Variants in PPARGC1A observed in about 807,000 individuals in gnomAD.
The protein encoded by PPARGC1A is peroxisome proliferator-activated receptor gamma coactivator 1-alpha.
In PPARGC1A, 25 loss-of-function variants were observed where a neutral mutation model predicts 88.7. The ratio of observed to expected loss-of-function variants is 0.28; its 90% CI spans 0.21 to 0.39. PPARGC1A has a LOEUF of 0.39. Ranked by LOEUF, PPARGC1A falls within the 10% of genes least tolerant of loss-of-function variation. The pLI is 1.00. For synonymous variants in PPARGC1A, 363 were observed against 355.6 expected (o/e 1.02, Z -0.24); for missense variants, 880 against 968.7 (o/e 0.91, Z 1.22).
At chr4:24,075,322 G>T in the PPARGC1A span, among the ~76,000 whole-genome samples, 1 of 152,124 alleles carries the variant, frequency 6.6e-6, no homozygotes, top group Non-Finnish European at 1.5e-5. Context: ...TCTCAATAAA[G>T]GTAAGAGATC....
chr4:24,188,117 A>G, the PPARGC1A span, among the ~76,000 whole-genome samples: 1 of 152,214 alleles, frequency 6.6e-6, no homozygotes, highest in Non-Finnish European at 1.5e-5. Flanking sequence ...CAATGGCATA[A>G]TATAATTCCA....
the PPARGC1A span, among the ~76,000 whole-genome samples, chr4:23,925,847 AG>A: frequency 5.3e-5 from 8 of 152,294 alleles, no homozygotes; most frequent in African/African-American, 1.2e-4. Flanking sequence ...AGAGAGAGAG[AG>A]AGAAAAAAAT....
At chr4:24,198,546 C>CCCCCGTTTA in the PPARGC1A span, among the ~76,000 whole-genome samples, 3 of 152,184 alleles carry the variant, frequency 2.0e-5, no homozygotes, top group Non-Finnish European at 4.4e-5. Flanking sequence ...CTCCAAGTGT[C>CCCCCGTTTA]AACAAGCTTA....
chr4:24,078,967 A>T, the PPARGC1A span, among the ~76,000 whole-genome samples: 1 of 152,122 alleles, frequency 6.6e-6, no homozygotes, highest in African/African-American at 2.4e-5. Flanking sequence ...GAGTAAATAA[A>T]ACACTTTATT....
At chr4:24,340,945 C>G in the PPARGC1A span, among the ~76,000 whole-genome samples, 1 of 152,074 alleles carries the variant, frequency 6.6e-6, no homozygotes, top group Non-Finnish European at 1.5e-5. Context: ...AAGTCATCTC[C>G]AGAGATTTTG....
At chr4:24,387,762 GAGAGAGAAAGAAAGAAAGAAAGAA>G in the PPARGC1A span, among the ~76,000 whole-genome samples, 75 of 73,046 alleles carry the variant, frequency 1.0e-3, no homozygotes, top group African/African-American at 4.5e-3. Context: ...GAGAGAGAGA[GAGAGAGAAAGAAAGAAAGAAAGAA>G]AGAAAGAAAG....
the PPARGC1A span, among the ~76,000 whole-genome samples, chr4:24,073,603 GTGACAATGA>G: frequency 6.6e-6 from 1 of 152,108 alleles, no homozygotes; most frequent in Non-Finnish European, 1.5e-5. Flanking sequence ...CGAGATGATG[GTGACAATGA>G]TGACAATGAT....
At chr4:24,140,701 G>A in the PPARGC1A span, among the ~76,000 whole-genome samples, 3 of 152,152 alleles carry the variant, frequency 2.0e-5, no homozygotes, top group Non-Finnish European at 2.9e-5. Flanking sequence ...ACATAACTGA[G>A]AGAAACATGA....
the PPARGC1A span, among the ~76,000 whole-genome samples, chr4:24,025,180 G>A: frequency 6.6e-6 from 1 of 152,110 alleles, no homozygotes; most frequent in Non-Finnish European, 1.5e-5. Context: ...GGTACACCTA[G>A]AGCAATGAGA....
At chr4:24,208,152 G>A in the PPARGC1A span, among the ~76,000 whole-genome samples, 2 of 152,044 alleles carry the variant, frequency 1.3e-5, no homozygotes, top group South Asian at 4.2e-4. Flanking sequence ...GCGCATTGGT[G>A]TGCACCTGTA....
At chr4:24,439,592 A>G in the PPARGC1A span, among the ~76,000 whole-genome samples, 1 of 152,196 alleles carries the variant, frequency 6.6e-6, no homozygotes, top group Non-Finnish European at 1.5e-5. Flanking sequence ...TATGGCCACC[A>G]TCTGGGTACT....
the PPARGC1A span, among the ~76,000 whole-genome samples, chr4:24,113,564 T>G: frequency 6.6e-6 from 1 of 152,142 alleles, no homozygotes; most frequent in African/African-American, 2.4e-5. Flanking sequence ...ATCCTGATCA[T>G]TTGATTGCTC....
the PPARGC1A span, among the ~76,000 whole-genome samples, chr4:24,009,810 C>A: frequency 1.8e-4 from 27 of 152,282 alleles, no homozygotes; most frequent in South Asian, 1.5e-3. Flanking sequence ...TCATTCCCAC[C>A]TTTATTGGGA....
chr4:24,113,742 C>T, the PPARGC1A span, among the ~76,000 whole-genome samples: 1 of 152,078 alleles, frequency 6.6e-6, no homozygotes, highest in Non-Finnish European at 1.5e-5. Flanking sequence ...CTGCTTGTAA[C>T]ACTTAGTGTG....
the PPARGC1A span, among the ~76,000 whole-genome samples, chr4:23,987,003 A>G: frequency 6.6e-6 from 1 of 152,048 alleles, no homozygotes; most frequent in Admixed American, 6.6e-5. Flanking sequence ...ATGAACACAG[A>G]ACTTGTTGTA....
chr4:24,128,999 G>A, the PPARGC1A span, among the ~76,000 whole-genome samples: 906 of 152,342 alleles, frequency 5.9e-3, 9 homozygotes, highest in South Asian at 0.027. Context: ...ATACTTCAAC[G>A]AGGAGTCATA....
chr4:23,898,211 G>GA (rs1665638775), intron 1 of PPARGC1A, among the ~76,000 whole-genome samples: 1 of 151,982 alleles, frequency 6.6e-6, no homozygotes, highest in Non-Finnish European at 1.5e-5. Flanking sequence ...GTGGAGGGAG[G>GA]AAAAAAGGTC....
At chr4:23,825,065 A>T (rs1320427232) in intron 5 of PPARGC1A, 1 of 154,598 alleles carries the variant, frequency 6.5e-6, no homozygotes, top group Non-Finnish European at 1.4e-5. Flanking sequence ...AGATCCCCAA[A>T]TCTGATAGAC....
chr4:24,046,186 A>G, the PPARGC1A span, among the ~76,000 whole-genome samples: 6 of 152,228 alleles, frequency 3.9e-5, no homozygotes, highest in African/African-American at 1.4e-4. Flanking sequence ...TGGTTTGGAA[A>G]GCAGGCTCAC....
Sources: allele counts gnomAD v4.1 joint callset (sites outside exome capture counted in the v4.1 genomes callset), GRCh38; gene constraint gnomAD v4.1.1; transcripts MANE v1.5; gene names NCBI Gene and HGNC (gene_info 2026-07-23, HGNC 2026-07-21).